CEP89: variants seen among roughly 807,000 people sequenced by gnomAD.
CEP89 encodes centrosomal protein of 89 kDa.
CEP89 carries 95 observed loss-of-function variants against 97.6 expected under a neutral mutation model. The ratio of observed to expected loss-of-function variants is 0.97; its 90% confidence interval spans 0.82 to 1.15. The LOEUF (loss-of-function observed/expected upper bound fraction) is 1.15, where lower values mean the gene tolerates loss of function less well. CEP89 is among the 50% of genes most tolerant of loss of function. The probability of loss-of-function intolerance (pLI) is 0.00; values close to 1 mark genes in which losing one functional copy is unlikely to be tolerated. For synonymous variants in CEP89, 354 were observed against 349.1 expected, an observed-to-expected ratio of 1.01 and a Z score of -0.16; for missense variants, 869 against 947.7, an observed-to-expected ratio of 0.92 and a Z score of 1.09.
At chr19:32,963,288 G>A (rs757472731) in intron 2 of CEP89, among the ~76,000 whole-genome samples, 9 of 152,106 alleles carry the variant, frequency 5.9e-5, no homozygotes, top group Admixed American at 1.3e-4. Context: ...TCCAGGAGGC[G>A]GAGGTTGAAG....
chr19:32,895,141 C>T (rs535031142), intron 16 of CEP89, among the ~76,000 whole-genome samples: 14 of 152,194 alleles, frequency 9.2e-5, no homozygotes, highest in Non-Finnish European at 1.8e-4. Context: ...CAGCAATACC[C>T]TGCTACCAAA....
chr19:32,967,756 G>A (rs1024088170), intron 1 of CEP89, among the ~76,000 whole-genome samples: 47 of 152,290 alleles, frequency 3.1e-4, no homozygotes, highest in Admixed American at 2.3e-3. Context: ...AAGAGGGAAC[G>A]GCATGAACAA....
chr19:32,946,120 C>T (rs1260040214), intron 5 of CEP89, among the ~76,000 whole-genome samples: 1 of 152,098 alleles, frequency 6.6e-6, no homozygotes, highest in Non-Finnish European at 1.5e-5. Flanking sequence ...TTTTTAGAGA[C>T]AGGGTCTCAC....
chr19:32,966,324 AG>A, intron 2 of CEP89, 35 bp downstream of exon 2: 1 of 1,229,752 alleles, frequency 8.1e-7, no homozygotes. Context: ...GGCTGAGCAC[AG>A]GGGTGACCTC....
chr19:32,887,656 T>G, intron 17 of CEP89, 96 bp downstream of exon 17: 2 of 742,036 alleles, frequency 2.7e-6, no homozygotes, highest in Non-Finnish European at 4.8e-6. Flanking sequence ...GTGATGCACA[T>G]GCAAAAGGTG....
chr19:32,951,534 T>TATACACACACACAC (rs1407110112), intron 4 of CEP89, among the ~76,000 whole-genome samples: 65 of 122,032 alleles, frequency 5.3e-4, no homozygotes, highest in African/African-American at 2.2e-3. Flanking sequence ...TATATATATA[T>TATACACACACACAC]ACACACACAC....
intron 16 of CEP89, among the ~76,000 whole-genome samples, chr19:32,898,132 T>C (rs1311337931): frequency 2.0e-5 from 3 of 152,228 alleles, no homozygotes; most frequent in African/African-American, 4.8e-5. Context: ...TGAACCTAAG[T>C]GTCCATCAAT....
intron 16 of CEP89, among the ~76,000 whole-genome samples, chr19:32,898,284 A>G (rs1014449993): frequency 6.6e-6 from 1 of 152,326 alleles, no homozygotes; most frequent in East Asian, 1.9e-4. Context: ...AGACCTAGAA[A>G]GATAAATATG....
intron 4 of CEP89, among the ~76,000 whole-genome samples, chr19:32,949,256 C>T (rs909455652): frequency 6.6e-6 from 1 of 152,138 alleles, no homozygotes; most frequent in Non-Finnish European, 1.5e-5. Context: ...ACAGAGTTGT[C>T]CTTTAGAGAG....
In CEP89 at chr19:32,887,834, C is replaced by CA. The variant is rs1198152978; in HGVS notation, c.1882dup (p.Cys628LeufsTer5). On this transcript the variant is annotated frameshift_variant, in exon 17 of 19. Coordinates refer to ENST00000305768, the MANE Select transcript of CEP89 (RefSeq NM_032816.5). LOFTEE classifies it high-confidence loss of function. Reference sequence around the variant, plus strand: ...CACTCCATCCTTCTCACTTTCTAAACATTTTGCCTAGGGAGAAGGGTGATA... The same window carrying CA: ...CACTCCATCCTTCTCACTTTCTAAACAATTTTGCCTAGGGAGAAGGGTGATA... 5.0e-6 allele frequency: 8 copies of CA among 1,605,676 alleles called. No homozygotes were observed. Among genetic ancestry groups the CA allele is most frequent in the Non-Finnish European group, 6.0e-6 (7 of 1,173,056 alleles).
In CEP89 at chr19:32,936,141, G is replaced by A. The variant is rs1261193885; in HGVS notation, c.667+1490C>T. ...AGGCTTATGGGTGTTTGCTCTAGCT[G>A]CCTGGTCTCTCCCTGCTCCTGGTGC... On this transcript the variant is annotated intron_variant, in intron 7 of 18. Coordinates refer to ENST00000305768, the MANE Select transcript of CEP89 (RefSeq NM_032816.5). The surrounding 1 kb of genome is among the most constrained non-coding windows in gnomAD (Gnocchi z 4.5). Among the ~76,000 whole-genome samples the A allele has an allele frequency of 6.6e-6, 1 of 152,162 alleles. No homozygotes were observed. Among genetic ancestry groups the A allele is most frequent in the Non-Finnish European group, 1.5e-5 (1 of 68,018 alleles).
At chr19:32,902,040 G>T (rs542242326) in intron 14 of CEP89, among the ~76,000 whole-genome samples, 4 of 150,858 alleles carry the variant, frequency 2.7e-5, no homozygotes, top group South Asian at 2.1e-4. Flanking sequence ...GTGTGTGTGT[G>T]TGTGTATGTG....
At chr19:32,884,121 C>T (rs1418847732) in intron 17 of CEP89, among the ~76,000 whole-genome samples, 1 of 152,112 alleles carries the variant, frequency 6.6e-6, no homozygotes. Flanking sequence ...TCTACAGGGA[C>T]CCACACACCC....
intron 10 of CEP89, 100 bp downstream of exon 10, chr19:32,926,834 T>A (rs994702454): frequency 9.0e-6 from 9 of 1,002,488 alleles, no homozygotes; most frequent in Non-Finnish European, 1.4e-5. Flanking sequence ...AGTGCTGGGA[T>A]TACAGACATG....
At position 32,920,629 on chromosome 19, in the gene CEP89, G is replaced by T. The variant is rs570283010; in HGVS notation, c.1269-2290C>A. Among the ~76,000 whole-genome samples, 8 of 151,984 alleles carry T rather than the reference G, an allele frequency of 5.3e-5. No individual in the cohort carries two copies. The East Asian group carries it at 1.4e-3, about 26-fold the overall frequency. On this transcript the variant is annotated intron_variant, in intron 12 of 18. Coordinates refer to ENST00000305768, the MANE Select transcript of CEP89 (RefSeq NM_032816.5). ...CTCCTGAGTAGCTGGGATTACAGGC[G>T]TGCACCACCACACCTGGCTATTTTT...
chr19:32,937,433 C>A (rs1289941634), intron 7 of CEP89, 198 bp downstream of exon 7: 4 of 556,702 alleles, frequency 7.2e-6, no homozygotes, highest in Non-Finnish European at 1.3e-5. Context: ...CCAACCCCCA[C>A]CCTCCCAGGA....
Position 32,902,002 on chromosome 19 carries a change from C to CTGTGTGTGTGTGTG in CEP89, c.1566-591_1566-590insCACACACACACACA, listed in dbSNP as rs1471468250. On this transcript the variant is annotated intron_variant, in intron 14 of 18. Coordinates refer to ENST00000305768, the MANE Select transcript of CEP89 (RefSeq NM_032816.5). ...CTTATGTCTCTGTCTCTCTGTCTCT[C>CTGTGTGTGTGTGTG]TCTCTCTCTGTGTGTGTGTGTGTGT... Among the ~76,000 whole-genome samples the CTGTGTGTGTGTGTG allele has an allele frequency of 1.3e-3, 132 of 105,006 alleles. 1 individual carries two copies. Among genetic ancestry groups the CTGTGTGTGTGTGTG allele is most frequent in the South Asian group, 0.011 (37 of 3,300 alleles). The allele number at this position is 105,006 out of a possible 152,430, so 68.9% of individuals were successfully genotyped here.
intron 4 of CEP89, among the ~76,000 whole-genome samples, chr19:32,951,297 C>A (rs1363739510): frequency 6.6e-6 from 1 of 151,986 alleles, no homozygotes; most frequent in African/African-American, 2.4e-5. Context: ...ACCATCCTGG[C>A]CAACATGATG....
At chr19:32,952,187 A>C (rs1167273808) in intron 4 of CEP89, among the ~76,000 whole-genome samples, 1 of 152,102 alleles carries the variant, frequency 6.6e-6, no homozygotes, top group Non-Finnish European at 1.5e-5. Context: ...GACCATTTAA[A>C]ATGTATTTTA....
Sources: allele counts gnomAD v4.1 joint callset (sites outside exome capture counted in the v4.1 genomes callset), GRCh38; gene constraint gnomAD v4.1.1; non-coding constraint Gnocchi (gnomAD v3.1); transcripts MANE v1.5; gene names NCBI Gene and HGNC (gene_info 2026-07-23, HGNC 2026-07-21).